The following TMEM209 variants were observed in gnomAD, a reference collection of about 807,000 sequenced individuals.
The protein encoded by TMEM209 is transmembrane protein 209.
A neutral mutation model predicts 76.2 loss-of-function variants in TMEM209; 65 were observed. The ratio of observed to expected loss-of-function variants is 0.85; its 90% CI spans 0.70 to 1.05. The LOEUF (loss-of-function observed/expected upper bound fraction) is 1.05, where lower values mean the gene tolerates loss of function less well. Ranked by LOEUF, TMEM209 falls within the 50% of genes least tolerant of loss-of-function variation. The pLI is 0.00. For synonymous variants in TMEM209, 239 were observed against 237.6 expected (o/e 1.01, Z -0.06); for missense variants, 623 against 685.5 (o/e 0.91, Z 1.02).
intron 6 of TMEM209, among the ~76,000 whole-genome samples, chr7:130,189,023 C>T (rs1022426664): frequency 6.6e-6 from 1 of 151,866 alleles, no homozygotes; most frequent in East Asian, 1.9e-4. Flanking sequence ...CAAATGGTTT[C>T]GATTTAAGGA....
chr7:130,190,643 A>G (rs1012000789), intron 6 of TMEM209, among the ~76,000 whole-genome samples: 1 of 152,206 alleles, frequency 6.6e-6, no homozygotes, highest in Non-Finnish European at 1.5e-5. Context: ...AAGCTCCATG[A>G]CAACCAACAT....
At chr7:130,201,768 T>G in intron 5 of TMEM209, 82 bp downstream of exon 5, 1 of 1,542,008 alleles carries the variant, frequency 6.5e-7, no homozygotes, top group Admixed American at 1.9e-5. Flanking sequence ...TGCTCACTGA[T>G]AAGTTTTGAC....
intron 8 of TMEM209, chr7:130,181,938 T>C: frequency 2.4e-6 from 1 of 413,786 alleles, no homozygotes; most frequent in South Asian, 2.9e-5. Flanking sequence ...TTAACTAACT[T>C]ACATTCCTTT....
At chr7:130,184,876 A>G (rs1298885892) in intron 7 of TMEM209, among the ~76,000 whole-genome samples, 4 of 152,258 alleles carry the variant, frequency 2.6e-5, no homozygotes, top group African/African-American at 9.6e-5. Flanking sequence ...TAATCCAAAT[A>G]TATTTTAAAA....
At chr7:130,184,137 A>C (rs1443775805) in intron 8 of TMEM209, 47 bp downstream of exon 8, 1 of 1,281,796 alleles carries the variant, frequency 7.8e-7, no homozygotes, top group Non-Finnish European at 1.1e-6. Flanking sequence ...CATGCTTTGC[A>C]TATTAAGAGG....
rs533074803 is a variant in TMEM209, at chr7:130,201,922, T to G, written c.501A>C (p.Gln167His). Residue 167 changes from glutamine (Q) to histidine (H), a missense_variant, in exon 5 of 15, where the codon CAA (glutamine) becomes CAC (histidine). Physicochemically the swap from Gln to His is conservative, Grantham distance 24. Coordinates refer to ENST00000397622, the MANE Select transcript of TMEM209 (RefSeq NM_032842.4). ...SCMTGYSPQL[Q>H]GLSSGGSGSY... ...AACCACTGCCACCTGAGGACAGACCTTGCAGCTGAGGGCTGTAACCAGTCA... is the reference window on the plus strand; with the variant it reads ...AACCACTGCCACCTGAGGACAGACCGTGCAGCTGAGGGCTGTAACCAGTCA... 4.2e-5 allele frequency: 67 copies of G among 1,613,912 alleles called. 1 individual carries two copies. The South Asian group carries it at 7.4e-4, about 18-fold the overall frequency.
chr7:130,174,214 C>T (rs1272061535), intron 11 of TMEM209, among the ~76,000 whole-genome samples: 1 of 152,128 alleles, frequency 6.6e-6, no homozygotes, highest in Non-Finnish European at 1.5e-5. Flanking sequence ...TCTCTTAAAT[C>T]ATAAAGGAAT....
intron 14 of TMEM209, among the ~76,000 whole-genome samples, chr7:130,167,924 C>T (rs1796931907): frequency 6.6e-6 from 1 of 152,122 alleles, no homozygotes; most frequent in Non-Finnish European, 1.5e-5. Context: ...AATTTCCAAG[C>T]TTTTCCCCGA....
intron 5 of TMEM209, among the ~76,000 whole-genome samples, chr7:130,201,466 C>T (rs1798195991): frequency 6.6e-6 from 1 of 151,852 alleles, no homozygotes; most frequent in African/African-American, 2.4e-5. Flanking sequence ...CAGCTTTTAG[C>T]TTAGAAGACA....
intron 5 of TMEM209, among the ~76,000 whole-genome samples, chr7:130,198,749 GGTGA>G (rs1053256042): frequency 6.6e-6 from 1 of 152,014 alleles, no homozygotes; most frequent in Non-Finnish European, 1.5e-5. Context: ...CTAATATTTT[GGTGA>G]GTATTTTTAA....
chr7:130,178,240 T>A (rs1359566223), intron 10 of TMEM209, among the ~76,000 whole-genome samples, 162 bp downstream of exon 10: 1 of 152,190 alleles, frequency 6.6e-6, no homozygotes, highest in African/African-American at 2.4e-5. Context: ...TTAGCTCATA[T>A]TTAAGTTTCC....
At chr7:130,178,620 T>G in intron 9 of TMEM209, 93 bp from the exon 10 acceptor site, 2 of 1,441,506 alleles carry the variant, frequency 1.4e-6, no homozygotes, top group Non-Finnish European at 1.9e-6. Flanking sequence ...ATACAGCTGG[T>G]TCCTCACTAC....
intron 5 of TMEM209, among the ~76,000 whole-genome samples, chr7:130,200,580 A>G (rs1798154685): frequency 6.6e-6 from 1 of 152,194 alleles, no homozygotes. Flanking sequence ...GCCATTAAAC[A>G]GATTATTTTT....
intron 13 of TMEM209, among the ~76,000 whole-genome samples, chr7:130,171,408 T>C (rs76496315): frequency 1.4e-3 from 214 of 152,308 alleles, no homozygotes; most frequent in African/African-American, 4.8e-3. Context: ...TTTCCCCACT[T>C]ACTCTAATTT....
chr7:130,183,086 T>C (rs893834624), intron 8 of TMEM209, among the ~76,000 whole-genome samples: 12 of 152,228 alleles, frequency 7.9e-5, no homozygotes, highest in Admixed American at 7.2e-4. Context: ...AATGTATTTG[T>C]ATTTCTTCTA....
intron 14 of TMEM209, among the ~76,000 whole-genome samples, 177 bp downstream of exon 14, chr7:130,170,223 G>A (rs950145592): frequency 3.9e-5 from 6 of 152,186 alleles, no homozygotes; most frequent in East Asian, 1.9e-4. Flanking sequence ...AATGGGTTCC[G>A]AGGAGTTAGC....
Position 130,192,632 on chromosome 7 carries a change from C to G in TMEM209, c.765G>C (p.Arg255Ser), listed in dbSNP as rs371219642. 2.0e-5 allele frequency: 33 copies of G among 1,613,136 alleles called. No homozygotes were observed. The highest frequency in any genetic ancestry group is 2.8e-5 in the Non-Finnish European group (33 of 1,179,620). Residue 255 changes from arginine to serine, a missense_variant, in exon 6 of 15, where the codon AGG becomes AGC. Transcript: ENST00000397622. ...FLRSEEEKQHRVKLGSPDSTS... is the reference protein window; with the variant it reads ...FLRSEEEKQHSVKLGSPDSTS... ...GAAATATATATGTACCCAGCTTAAC[C>G]CTATGCTGTTTCTCCTCTTCACTTC...
At chr7:130,204,999 G>C in intron 1 of TMEM209, 1 of 1,171,254 alleles carries the variant, frequency 8.5e-7, no homozygotes, top group African/African-American at 1.6e-5. Context: ...GTAAGAGGGA[G>C]AGAGGGGAAA....
At chr7:130,197,021 G>GT (rs1798009110) in intron 5 of TMEM209, among the ~76,000 whole-genome samples, 1 of 152,138 alleles carries the variant, frequency 6.6e-6, no homozygotes, top group South Asian at 2.1e-4. Context: ...GAGTCTAGAA[G>GT]TTTGAGACCA....
Sources: gnomAD v4.1 joint callset for allele counts (sites outside exome capture counted in the v4.1 genomes callset) on GRCh38, gnomAD v4.1.1 for gene constraint, MANE v1.5 for transcripts, NCBI Gene and HGNC (gene_info 2026-07-23, HGNC 2026-07-21) for gene names.